KPNA1: variants seen among roughly 807,000 people sequenced by gnomAD.
KPNA1 encodes karyopherin subunit alpha 1.
In KPNA1, 10 loss-of-function variants were observed where a neutral mutation model predicts 70.5. The ratio of observed to expected loss-of-function variants is 0.14; its 90% confidence interval spans 0.09 to 0.24. The LOEUF (loss-of-function observed/expected upper bound fraction) is 0.24, where lower values mean the gene tolerates loss of function less well. KPNA1 is among the 10% of genes least tolerant of loss of function. The probability of loss-of-function intolerance (pLI) is 1.00; values close to 1 mark genes in which losing one functional copy is unlikely to be tolerated. For synonymous variants in KPNA1, 192 were observed against 221.9 expected (o/e 0.87, Z 1.20); for missense variants, 397 against 637.9 (o/e 0.62, Z 4.07).
At chr3:122,499,087 A>C (rs1379989811) in intron 1 of KPNA1, among the ~76,000 whole-genome samples, 3 of 152,170 alleles carry the variant, frequency 2.0e-5, no homozygotes, top group Non-Finnish European at 4.4e-5. Flanking sequence ...AATCCTGCTG[A>C]ACTTGTTTAA....
chr3:122,491,041 A>G (rs2076692633), intron 2 of KPNA1, among the ~76,000 whole-genome samples: 1 of 152,272 alleles, frequency 6.6e-6, no homozygotes, highest in African/African-American at 2.4e-5. Context: ...GAAATTAGTC[A>G]AATTACCACA....
Position 122,426,716 on chromosome 3 carries a change from G to A in KPNA1, c.*269C>T. On this transcript the variant is annotated 3_prime_UTR_variant, in exon 14 of 14. Transcript: ENST00000344337. The stretch of plus-strand genomic sequence containing the variant: ...ATGTGTATATTCCCATAACTCTAAT[G>A]TAAGTGCGGATCTCCAAAGCCTAGG... 1 of 350,574 alleles carries A rather than the reference G, an allele frequency of 2.9e-6. No individual in the cohort carries two copies. Among genetic ancestry groups the A allele is most frequent in the Non-Finnish European group, 5.2e-6 (1 of 193,692 alleles). The allele number at this position is 350,574 out of a possible 1,614,324, so 21.7% of individuals were successfully genotyped here. A position where few individuals can be genotyped will look rare whatever the true frequency, so the allele number is the denominator to read the frequency against.
intron 1 of KPNA1, among the ~76,000 whole-genome samples, chr3:122,508,841 G>C (rs767307361): frequency 4.1e-4 from 63 of 152,018 alleles, no homozygotes; most frequent in Non-Finnish European, 1.0e-4. Flanking sequence ...CAGACATCTG[G>C]GGAAAGCCTC....
chr3:122,434,265 T>G (rs2075954973), intron 11 of KPNA1, among the ~76,000 whole-genome samples: 1 of 152,198 alleles, frequency 6.6e-6, no homozygotes, highest in Non-Finnish European at 1.5e-5. Flanking sequence ...TGTCTTGGTA[T>G]CACTGAAAAC....
intron 3 of KPNA1, among the ~76,000 whole-genome samples, chr3:122,465,049 A>C (rs2076364980): frequency 6.6e-6 from 1 of 152,210 alleles, no homozygotes; most frequent in African/African-American, 2.4e-5. Context: ...TTAAGCAAAT[A>C]TCTTTTTCTT....
At chr3:122,476,855 G>T (rs2076503290) in intron 2 of KPNA1, among the ~76,000 whole-genome samples, 1 of 38,980 alleles carries the variant, frequency 2.6e-5, no homozygotes, top group African/African-American at 7.3e-5. Context: ...CAGTATGGAG[G>T]TTCCACAAAA....
chr3:122,492,431 A>G (rs1161110848), intron 2 of KPNA1, among the ~76,000 whole-genome samples: 1 of 152,238 alleles, frequency 6.6e-6, no homozygotes, highest in African/African-American at 2.4e-5. Context: ...GAAAGCCACA[A>G]ATGAAATTTT....
intron 12 of KPNA1, chr3:122,432,679 T>C (rs989886814): frequency 2.0e-5 from 3 of 152,208 alleles, no homozygotes; most frequent in African/African-American, 7.2e-5. Flanking sequence ...CATTACTTTT[T>C]TTCCCTATCT....
At chr3:122,467,278 C>T (rs1397550934) in intron 3 of KPNA1, 44 bp downstream of exon 3, 2 of 1,075,254 alleles carry the variant, frequency 1.9e-6, no homozygotes, top group Admixed American at 4.1e-5. Context: ...ATCTACATCT[C>T]ATATCTTCAT....
At chr3:122,451,483 A>T in intron 8 of KPNA1, 51 bp downstream of exon 8, 1 of 970,752 alleles carries the variant, frequency 1.0e-6, no homozygotes, top group Non-Finnish European at 1.6e-6. Context: ...TGGTTGCAAT[A>T]CTCTTTTAAT....
intron 5 of KPNA1, chr3:122,460,359 T>G (rs2076310416): frequency 1.0e-6 from 1 of 980,954 alleles, no homozygotes; most frequent in African/African-American, 1.7e-5. Context: ...AATACTTGGC[T>G]GGGAGCAGTG....
At chr3:122,501,511 T>C (rs2076829224) in intron 1 of KPNA1, among the ~76,000 whole-genome samples, 1 of 152,214 alleles carries the variant, frequency 6.6e-6, no homozygotes, top group Non-Finnish European at 1.5e-5. Flanking sequence ...CTTACACATA[T>C]TGGTGAGTTT....
At chr3:122,470,881 A>T (rs1194399828) in intron 2 of KPNA1, among the ~76,000 whole-genome samples, 1 of 152,238 alleles carries the variant, frequency 6.6e-6, no homozygotes, top group Non-Finnish European at 1.5e-5. Flanking sequence ...TCAGTAACAA[A>T]TATGGTAAAT....
chr3:122,469,136 G>C (rs2076413715), intron 2 of KPNA1, among the ~76,000 whole-genome samples: 2 of 152,110 alleles, frequency 1.3e-5, no homozygotes, highest in Non-Finnish European at 2.9e-5. Flanking sequence ...AGTACTGACT[G>C]ACTGGTTAAG....
intron 12 of KPNA1, among the ~76,000 whole-genome samples, chr3:122,429,303 T>C (rs1576270561): frequency 6.6e-6 from 1 of 151,726 alleles, no homozygotes; most frequent in Non-Finnish European, 1.5e-5. Context: ...ATACAAAAAT[T>C]AGCCAGACAT....
intron 2 of KPNA1, 88 bp downstream of exon 2, chr3:122,496,349 C>CACACACA (rs60229151): frequency 2.2e-3 from 2,679 of 1,210,536 alleles, no homozygotes; most frequent in Non-Finnish European, 2.6e-3. Flanking sequence ...CACACACACA[C>CACACACA]CCCAACTTTG....
intron 2 of KPNA1, 62 bp from the exon 3 acceptor site, chr3:122,467,491 T>C: frequency 1.0e-6 from 1 of 957,424 alleles, no homozygotes; most frequent in South Asian, 1.5e-5. Context: ...AGTTCAACAT[T>C]CAAATACTAG....
chr3:122,495,689 G>A (rs1330453168), intron 2 of KPNA1, among the ~76,000 whole-genome samples: 1 of 138,840 alleles, frequency 7.2e-6, no homozygotes. Context: ...TATAGTGAGG[G>A]TCAAATGGTC....
At position 122,433,801 on chromosome 3, in the gene KPNA1, A is replaced by T. The variant is rs2075947313; in HGVS notation, c.1123-13T>A. The stretch of plus-strand genomic sequence containing the variant: ...CATCTATCACAGTCTAAAATTAAAG[A>T]AAAACTTAAATGGAAAAAACTGTGA... On this transcript the variant is annotated splice_polypyrimidine_tract_variant and intron_variant, in intron 11 of 13. Coordinates refer to ENST00000344337, the MANE Select transcript of KPNA1 (RefSeq NM_002264.4). 6.4e-6 allele frequency: 10 copies of T among 1,568,872 alleles called. No homozygotes were observed. Among genetic ancestry groups the T allele is most frequent in the Non-Finnish European group, 8.6e-6 (10 of 1,161,674 alleles).
Sources: allele counts gnomAD v4.1 joint callset (sites outside exome capture counted in the v4.1 genomes callset), GRCh38; gene constraint gnomAD v4.1.1; transcripts MANE v1.5; gene names NCBI Gene and HGNC (gene_info 2026-07-23, HGNC 2026-07-21).